FMN2: variants seen among roughly 807,000 people sequenced by gnomAD.
The protein encoded by FMN2 is formin 2.
Under a neutral mutation model 142.3 loss-of-function variants are expected in FMN2, and 51 were observed. The observed-to-expected ratio is 0.36, with a 90% confidence interval of 0.29 to 0.45. The LOEUF (loss-of-function observed/expected upper bound fraction) is 0.45, where lower values mean the gene tolerates loss of function less well. Ranked by LOEUF, FMN2 falls within the 20% of genes least tolerant of loss-of-function variation. The pLI, the probability that FMN2 is intolerant of heterozygous loss-of-function variation, is 1.00. For synonymous variants in FMN2, 882 were observed against 869.8 expected (o/e 1.01, Z -0.25); for missense variants, 1,936 against 2,122.8 (o/e 0.91, Z 1.73).
At chr1:240,372,115 A>G (rs1383052361) in intron 14 of FMN2, among the ~76,000 whole-genome samples, 5 of 152,200 alleles carry the variant, frequency 3.3e-5, no homozygotes, top group African/African-American at 1.2e-4. Context: ...AGGCACCTGT[A>G]ATCACAGCTA....
In FMN2 at chr1:240,092,574, G is replaced by A. The variant is rs757374350; in HGVS notation, c.465G>A (p.Gly155=). 4.1e-5 allele frequency: 66 copies of A among 1,613,490 alleles called. No individual in the cohort carries two copies. The highest frequency in any genetic ancestry group is 3.4e-4 in the South Asian group (31 of 91,050). Residue 155 remains glycine, a synonymous_variant, in exon 1 of 18, where the codon GGG becomes GGA. Transcript: ENST00000319653. ...CTGGGCCTGCCGAGGCTAGGGTCGG[G>A]GGCCGGCCGATCGCCGAGGATGTGG... ...GGPGPAEARV[G]GRPIAEDVET... is the part of the protein sequence containing the mutation.
intron 1 of FMN2, among the ~76,000 whole-genome samples, chr1:240,112,952 C>T (rs1434214610): frequency 6.6e-6 from 1 of 152,178 alleles, no homozygotes; most frequent in Non-Finnish European, 1.5e-5. Flanking sequence ...GGCAAATTGA[C>T]TTAGTGCTGT....
intron 8 of FMN2, 44 bp from the exon 9 acceptor site, chr1:240,329,032 A>C (rs1275372182): frequency 1.3e-6 from 2 of 1,527,946 alleles, no homozygotes; most frequent in Admixed American, 3.4e-5. Flanking sequence ...TAAGGGATTC[A>C]GTTGGCCAGA....
chr1:240,167,267 A>C (rs1245751742), intron 2 of FMN2, among the ~76,000 whole-genome samples: 2 of 152,216 alleles, frequency 1.3e-5, no homozygotes, highest in Non-Finnish European at 2.9e-5. Flanking sequence ...ACAGCTAAGA[A>C]AACACTCCTT....
chr1:240,185,061 T>TC (rs55751817), intron 3 of FMN2, among the ~76,000 whole-genome samples: 3 of 84,886 alleles, frequency 3.5e-5, no homozygotes, highest in African/African-American at 1.0e-4. Context: ...TCCTATACCT[T>TC]CCCCTTCTCT....
At chr1:240,211,068 A>G (rs1312538464) in intron 5 of FMN2, 23 bp from the exon 6 acceptor site, 1 of 1,577,100 alleles carries the variant, frequency 6.3e-7, no homozygotes, top group Non-Finnish European at 8.6e-7. Context: ...TGGCTGTTTT[A>G]TTGTTCTTTT....
intron 7 of FMN2, 92 bp downstream of exon 7, chr1:240,258,124 T>G (rs1478458232): frequency 4.0e-6 from 4 of 998,488 alleles, no homozygotes; most frequent in Non-Finnish European, 6.1e-6. Flanking sequence ...AAACTTAGAG[T>G]TTCTGTGTAA....
chr1:240,160,166 T>C (rs1664222955), intron 2 of FMN2, among the ~76,000 whole-genome samples: 1 of 150,950 alleles, frequency 6.6e-6, no homozygotes, highest in African/African-American at 2.4e-5. Context: ...ATAAACTCTT[T>C]CAGAAAACAG....
At chr1:240,324,295 G>A (rs1399862249) in intron 8 of FMN2, among the ~76,000 whole-genome samples, 1 of 152,156 alleles carries the variant, frequency 6.6e-6, no homozygotes, top group Non-Finnish European at 1.5e-5. Context: ...GGATTGAATA[G>A]GAGAGGGCAT....
intron 15 of FMN2, among the ~76,000 whole-genome samples, chr1:240,423,949 C>T (rs549315298): frequency 6.6e-6 from 1 of 152,298 alleles, no homozygotes; most frequent in Admixed American, 6.5e-5. Flanking sequence ...AAAGCTTGGA[C>T]ACCCCAACAG....
intron 15 of FMN2, among the ~76,000 whole-genome samples, chr1:240,437,368 A>G (rs1675423720): frequency 7.1e-6 from 1 of 141,346 alleles, no homozygotes. Context: ...ATCTCGGCTC[A>G]CTGCAAGCTG....
intron 6 of FMN2, among the ~76,000 whole-genome samples, chr1:240,220,818 C>CA (rs1667083000): frequency 6.6e-6 from 1 of 152,076 alleles, no homozygotes; most frequent in Non-Finnish European, 1.5e-5. Context: ...CTGCACCCAT[C>CA]AACCCGTCAT....
At chr1:240,205,808 C>T (rs1246269865) in intron 4 of FMN2, among the ~76,000 whole-genome samples, 1 of 151,242 alleles carries the variant, frequency 6.6e-6, no homozygotes, top group East Asian at 2.0e-4. Context: ...TGAAGGGTTC[C>T]TGGTTGATTG....
chr1:240,376,066 G>T (rs1330430638), intron 14 of FMN2, among the ~76,000 whole-genome samples: 2 of 151,992 alleles, frequency 1.3e-5, no homozygotes, highest in Admixed American at 6.6e-5. Flanking sequence ...TTATCATTAT[G>T]TATTGATTCT....
intron 6 of FMN2, among the ~76,000 whole-genome samples, chr1:240,242,652 G>A (rs1667950032): frequency 6.6e-6 from 1 of 152,150 alleles, no homozygotes; most frequent in African/African-American, 2.4e-5. Flanking sequence ...GGCTAGGAGA[G>A]CACAAGAGGC....
chr1:240,214,559 AAAAAAAAG>A (rs1489319312), intron 6 of FMN2, among the ~76,000 whole-genome samples: 38 of 151,562 alleles, frequency 2.5e-4, no homozygotes, highest in African/African-American at 7.5e-4. Flanking sequence ...TCAAAAAAAA[AAAAAAAAG>A]AAAAAGAAAA....
At chr1:240,369,512 C>T (rs920562701) in intron 14 of FMN2, among the ~76,000 whole-genome samples, 10 of 152,072 alleles carry the variant, frequency 6.6e-5, no homozygotes, top group Admixed American at 6.6e-4. Flanking sequence ...TTTCTTCTTT[C>T]TCAAGTACAC....
At chr1:240,319,630 G>A (rs534373122) in intron 8 of FMN2, among the ~76,000 whole-genome samples, 17 of 152,104 alleles carry the variant, frequency 1.1e-4, no homozygotes, top group African/African-American at 1.7e-4. Flanking sequence ...AAACGATGTC[G>A]TCTTGGAAGG....
chr1:240,167,707 C>A (rs1383725996), intron 2 of FMN2, among the ~76,000 whole-genome samples: 1 of 152,020 alleles, frequency 6.6e-6, no homozygotes, highest in African/African-American at 2.4e-5. Context: ...GAAGATCATG[C>A]AATTATTTAA....
Sources: allele counts gnomAD v4.1 joint callset (sites outside exome capture counted in the v4.1 genomes callset), GRCh38; gene constraint gnomAD v4.1.1; transcripts MANE v1.5; gene names NCBI Gene and HGNC (gene_info 2026-07-23, HGNC 2026-07-21).